SRP72: variants seen among roughly 807,000 people sequenced by gnomAD.
The protein encoded by SRP72 is signal recognition particle subunit SRP72.
A neutral mutation model predicts 96.3 loss-of-function variants in SRP72; 49 were observed. That is an observed-to-expected ratio of 0.51 (90% confidence interval 0.40 to 0.65). The LOEUF (loss-of-function observed/expected upper bound fraction) is 0.65. SRP72 is among the 30% of genes least tolerant of loss of function. SRP72 has a pLI of 0.00. For synonymous variants in SRP72, 267 were observed against 275.2 expected, an observed-to-expected ratio of 0.97 and a Z score of 0.30; for missense variants, 736 against 793.3, an observed-to-expected ratio of 0.93 and a Z score of 0.87.
chr4:56,495,162 A>G (rs1721032860), intron 16 of SRP72, 195 bp from the exon 17 acceptor site: 1 of 368,452 alleles, frequency 2.7e-6, no homozygotes, highest in Admixed American at 4.6e-5. Flanking sequence ...CTACTTTCCA[A>G]AAATTATAGT....
intron 2 of SRP72, among the ~76,000 whole-genome samples, chr4:56,470,089 G>A (rs890590161): frequency 2.0e-5 from 3 of 150,396 alleles, no homozygotes; most frequent in East Asian, 2.0e-4. Flanking sequence ...TAACTCAGTC[G>A]AAGTTTCTTT....
chr4:56,469,943 G>A (rs1366422591), intron 2 of SRP72, among the ~76,000 whole-genome samples, 170 bp downstream of exon 2: 2 of 142,042 alleles, frequency 1.4e-5, no homozygotes, highest in African/African-American at 5.2e-5. Flanking sequence ...AGGAATACTA[G>A]TAACTTCTGT....
intron 12 of SRP72, 83 bp downstream of exon 12, chr4:56,488,096 C>G: frequency 1.1e-6 from 1 of 894,592 alleles, no homozygotes; most frequent in Non-Finnish European, 1.7e-6. Flanking sequence ...ATTTATATGT[C>G]GAATGTGTAT....
chr4:56,480,762 T>C (rs1720450984), intron 8 of SRP72, among the ~76,000 whole-genome samples: 1 of 152,206 alleles, frequency 6.6e-6, no homozygotes, highest in South Asian at 2.1e-4. Context: ...CTTTCTGGTG[T>C]TGAAAAAAAT....
chr4:56,490,246 A>G (rs1355819702), intron 13 of SRP72, 87 bp from the exon 14 acceptor site: 4 of 1,027,272 alleles, frequency 3.9e-6, no homozygotes, highest in East Asian at 2.5e-5. Flanking sequence ...GCATAGGTGT[A>G]TTTCTTAAAG....
chr4:56,486,128 T>G (rs1437187171), intron 10 of SRP72, 197 bp from the exon 11 acceptor site: 3 of 458,798 alleles, frequency 6.5e-6, no homozygotes, highest in Non-Finnish European at 8.0e-6. Context: ...TTCATTGCAC[T>G]TACTTTTAGA....
At position 56,503,242 on chromosome 4, in the gene SRP72, T is replaced by C. The variant is rs1368047471; in HGVS notation, c.*1381T>C. Reference sequence around the variant, plus strand: ...TTTTTTAAATAAAAATTATGTATTGTGGCATAATCCTTTTTTTGAGCTCTA... The same window carrying C: ...TTTTTTAAATAAAAATTATGTATTGCGGCATAATCCTTTTTTTGAGCTCTA... On this transcript the variant is annotated 3_prime_UTR_variant, in exon 19 of 19. Transcript: ENST00000642900. 2.0e-5 allele frequency: 3 copies of C among 152,214 alleles called. No individual in the cohort carries two copies. The highest frequency in any genetic ancestry group is 7.2e-5 in the African/African-American group (3 of 41,468). The allele number at this position is 152,214 out of a possible 1,614,324, so 9.4% of individuals were successfully genotyped here.
chr4:56,490,663 AT>A lies in SRP72; in HGVS notation c.1502+20del, dbSNP rs748511541. The A allele has an allele frequency of 3.2e-5, 51 of 1,600,808 alleles. No individual in the cohort carries two copies. The highest frequency in any genetic ancestry group is 4.2e-5 in the Non-Finnish European group (49 of 1,168,708). On this transcript the variant is annotated intron_variant, in intron 15 of 18. Coordinates refer to ENST00000642900, the MANE Select transcript of SRP72 (RefSeq NM_006947.4). Reference sequence around the variant, plus strand: ...GCCAAAGCGTATCCTTTTGATTGTTATTCCTTACAGCTCCTCAGTAGCACAA... The same window carrying A: ...GCCAAAGCGTATCCTTTTGATTGTTATCCTTACAGCTCCTCAGTAGCACAA...
chr4:56,471,951 AC>A, intron 3 of SRP72, 108 bp downstream of exon 3: 1 of 1,343,088 alleles, frequency 7.4e-7, no homozygotes, highest in Non-Finnish European at 1.0e-6. Context: ...GCTCCACAAA[AC>A]TGACCACCAA....
At position 56,500,774 on chromosome 4, in the gene SRP72, T is replaced by C. The variant is rs1721235074; in HGVS notation, c.1838+79T>C. 6.6e-6 allele frequency: 9 copies of C among 1,353,970 alleles called. No individual in the cohort carries two copies. The South Asian group carries it at 1.4e-4, about 22-fold the overall frequency. The allele number at this position is 1,353,970 out of a possible 1,614,324, so 83.9% of individuals were successfully genotyped here. A position where few individuals can be genotyped will look rare whatever the true frequency, so the allele number is the denominator to read the frequency against. On this transcript the variant is annotated intron_variant, in intron 18 of 18. Transcript: ENST00000642900. ...TGACTCAAGGCTATTAGTGAGAATT[T>C]GTTAATATAAAGTATGAGAAATGTG...
At chr4:56,492,000 G>A (rs1312133981) in intron 16 of SRP72, among the ~76,000 whole-genome samples, 1 of 152,152 alleles carries the variant, frequency 6.6e-6, no homozygotes, top group Non-Finnish European at 1.5e-5. Context: ...TGGGACTACA[G>A]GCTAATTTTT....
chr4:56,476,967 G>T (rs1720249798), intron 6 of SRP72: 2 of 402,136 alleles, frequency 5.0e-6, no homozygotes, highest in Non-Finnish European at 8.7e-6. Context: ...TAGGATGTAG[G>T]ACTAAGGTCT....
chr4:56,493,287 C>CA (rs1720971991), intron 16 of SRP72, among the ~76,000 whole-genome samples: 1 of 152,020 alleles, frequency 6.6e-6, no homozygotes, highest in Non-Finnish European at 1.5e-5. Context: ...CCACCCGCCT[C>CA]AGCCTCCCAA....
chr4:56,491,392 T>G (rs201307136), intron 15 of SRP72, 39 bp from the exon 16 acceptor site: 2 of 1,602,894 alleles, frequency 1.2e-6, no homozygotes, highest in Non-Finnish European at 8.5e-7. Flanking sequence ...ATGTGTGTGT[T>G]TGTGTATATT....
chr4:56,489,149 C>T (rs1560685124), intron 12 of SRP72: 3 of 365,802 alleles, frequency 8.2e-6, no homozygotes, highest in Non-Finnish European at 1.5e-5. Context: ...TGTGAACTGG[C>T]ACTGCTTTAA....
At chr4:56,491,383 T>C (rs1255726803) in intron 15 of SRP72, 48 bp from the exon 16 acceptor site, 1 of 1,594,476 alleles carries the variant, frequency 6.3e-7, no homozygotes, top group African/African-American at 1.3e-5. Context: ...TCTATATAAA[T>C]GTGTGTGTTT....
chr4:56,480,715 T>A (rs17086844), intron 8 of SRP72, among the ~76,000 whole-genome samples: 4,838 of 152,312 alleles, frequency 0.032, 170 homozygotes, highest in East Asian at 0.19. Context: ...CAATAGGTAA[T>A]GAAAAATACA....
Position 56,469,648 on chromosome 4 carries a change from T to G in SRP72, c.110-5T>G, listed in dbSNP as rs186908289. The G allele has an allele frequency of 1.3e-4, 202 of 1,559,988 alleles. No individual in the cohort carries two copies. The highest frequency in any genetic ancestry group is 1.7e-4 in the Non-Finnish European group (196 of 1,142,870). On this transcript the variant is annotated splice_region_variant and splice_polypyrimidine_tract_variant and intron_variant, in intron 1 of 18. Coordinates refer to ENST00000642900, the MANE Select transcript of SRP72 (RefSeq NM_006947.4). ...AAAATGACTTTTCCTAAAATTGTTC[T>G]CTAGTACTACAGATCAACAAAGATG...
intron 5 of SRP72, 106 bp from the exon 6 acceptor site, chr4:56,476,565 T>C (rs1720230243): frequency 1.7e-6 from 2 of 1,183,876 alleles, no homozygotes. Context: ...TTACTACGAT[T>C]ATCTTGGAAT....
Sources: gnomAD v4.1 joint callset for allele counts (sites outside exome capture counted in the v4.1 genomes callset) on GRCh38, gnomAD v4.1.1 for gene constraint, MANE v1.5 for transcripts, NCBI Gene and HGNC (gene_info 2026-07-23, HGNC 2026-07-21) for gene names.